Variants in APP observed in about 807,000 individuals in gnomAD.
APP encodes amyloid beta precursor protein.
APP carries 31 observed loss-of-function variants against 101.4 expected under a neutral mutation model. The observed-to-expected ratio is 0.31, with a 90% confidence interval of 0.23 to 0.41. APP has a LOEUF of 0.41. Ranked by LOEUF, APP falls within the 10% of genes least tolerant of loss-of-function variation. The pLI is 1.00. For synonymous variants in APP, 366 were observed against 364.4 expected, an observed-to-expected ratio of 1.00 and a Z score of -0.05; for missense variants, 839 against 1,003.7, an observed-to-expected ratio of 0.84 and a Z score of 2.22.
chr21:25,998,715 T>C (rs908105938), intron 7 of APP, among the ~76,000 whole-genome samples: 1 of 152,164 alleles, frequency 6.6e-6, no homozygotes, highest in Non-Finnish European at 1.5e-5. Flanking sequence ...TTATTGAGTT[T>C]CATTTTTAGT....
chr21:26,041,867 A>G (rs1425208007), intron 5 of APP, among the ~76,000 whole-genome samples: 1 of 152,016 alleles, frequency 6.6e-6, no homozygotes, highest in Non-Finnish European at 1.5e-5. Flanking sequence ...CAAAACTGGC[A>G]GCCAGTTCCC....
intron 8 of APP, among the ~76,000 whole-genome samples, chr21:25,991,784 T>C (rs943153877): frequency 6.6e-6 from 1 of 152,234 alleles, no homozygotes; most frequent in African/African-American, 2.4e-5. Flanking sequence ...TAAGTAGTTA[T>C]GACAAACTGC....
chr21:26,118,453 T>C (rs955709512), intron 1 of APP, among the ~76,000 whole-genome samples: 2 of 152,194 alleles, frequency 1.3e-5, no homozygotes, highest in South Asian at 2.1e-4. Flanking sequence ...CACTAACATA[T>C]ATGAAACCAT....
At chr21:26,131,729 T>A (rs984165572) in intron 1 of APP, among the ~76,000 whole-genome samples, 3 of 152,196 alleles carry the variant, frequency 2.0e-5, no homozygotes, top group African/African-American at 7.2e-5. Flanking sequence ...TCTAACCAAC[T>A]GTTCTCATCA....
chr21:26,044,433 T>G (rs2045516046), intron 5 of APP, among the ~76,000 whole-genome samples: 1 of 152,244 alleles, frequency 6.6e-6, no homozygotes, highest in Admixed American at 6.5e-5. Flanking sequence ...AGAAGAAGAA[T>G]GAAATTGATC....
At chr21:25,899,501 G>T (rs1256081712) in intron 15 of APP, among the ~76,000 whole-genome samples, 1 of 152,122 alleles carries the variant, frequency 6.6e-6, no homozygotes, top group African/African-American at 2.4e-5. Context: ...TCTTGGTGCA[G>T]GGGTGCGAGA....
chr21:26,040,291 G>T (rs771701394), intron 5 of APP, among the ~76,000 whole-genome samples: 2 of 152,004 alleles, frequency 1.3e-5, no homozygotes, highest in African/African-American at 4.8e-5. Flanking sequence ...GTAATAAACC[G>T]CATTTCTTTA....
At chr21:26,073,671 T>G (rs886840027) in intron 3 of APP, among the ~76,000 whole-genome samples, 1 of 152,102 alleles carries the variant, frequency 6.6e-6, no homozygotes, top group Non-Finnish European at 1.5e-5. Context: ...CTAAATACTA[T>G]TGAGATGTGA....
intron 5 of APP, among the ~76,000 whole-genome samples, chr21:26,040,044 G>A (rs2045303046): frequency 6.6e-6 from 1 of 151,954 alleles, no homozygotes; most frequent in African/African-American, 2.4e-5. Context: ...TGTTGGAGAT[G>A]GGACCCAAGT....
intron 13 of APP, among the ~76,000 whole-genome samples, chr21:25,941,143 A>G (rs2040559825): frequency 6.6e-6 from 1 of 152,234 alleles, no homozygotes; most frequent in Non-Finnish European, 1.5e-5. Flanking sequence ...CATCAAAGTA[A>G]TGTTAGACAC....
chr21:25,954,680 G>A lies in APP; in HGVS notation c.1597C>T (p.His533Tyr), dbSNP rs1287723181. 1 of 1,613,776 alleles carries A rather than the reference G, an allele frequency of 6.2e-7. No homozygotes were observed. The highest frequency in any genetic ancestry group is 1.7e-5 in the Admixed American group (1 of 59,996). The change falls in exon 13 of 18, where the codon CAC becomes TAC. Residue 533 changes from histidine (H) to tyrosine (Y), a missense_variant. By Grantham distance (83) the His-to-Tyr change is moderately conservative. Coordinates refer to ENST00000346798, the MANE Select transcript of APP (RefSeq NM_000484.4). The part of the protein sequence containing the change: ...AAQIRSQVMT[H>Y]LRVIYERMNQ... ...ATGCGCTCATAAATCACACGGAGGT[G>A]TGTCATAACCTGCATCAAAGGATGA...
chr21:25,920,237 T>C (rs2039562873), intron 13 of APP, among the ~76,000 whole-genome samples: 1 of 152,008 alleles, frequency 6.6e-6, no homozygotes, highest in Non-Finnish European at 1.5e-5. Context: ...GCACTAAACA[T>C]GCAAAGGAAC....
chr21:26,007,590 T>C (rs1285439841), intron 6 of APP, among the ~76,000 whole-genome samples: 1 of 151,576 alleles, frequency 6.6e-6, no homozygotes, highest in Non-Finnish European at 1.5e-5. Flanking sequence ...GCCTAAGTTA[T>C]TGCTGTAATT....
intron 13 of APP, among the ~76,000 whole-genome samples, chr21:25,925,409 T>C (rs1297383604): frequency 1.3e-5 from 2 of 152,204 alleles, no homozygotes; most frequent in African/African-American, 4.8e-5. Flanking sequence ...CTTTGAATCC[T>C]TTTGTCTGTA....
At chr21:26,042,723 G>A (rs1420995404) in intron 5 of APP, among the ~76,000 whole-genome samples, 1 of 150,486 alleles carries the variant, frequency 6.6e-6, no homozygotes, top group Non-Finnish European at 1.5e-5. Context: ...GCAACATAGT[G>A]AGACCCCTGT....
intron 5 of APP, among the ~76,000 whole-genome samples, chr21:26,046,324 C>T (rs1266157277): frequency 2.0e-5 from 3 of 151,422 alleles, no homozygotes; most frequent in African/African-American, 2.4e-5. Context: ...TCAGGAGAAT[C>T]GTTTGAACCC....
intron 12 of APP, among the ~76,000 whole-genome samples, chr21:25,955,305 T>C (rs1269954132): frequency 2.0e-5 from 3 of 152,236 alleles, no homozygotes; most frequent in South Asian, 2.1e-4. Context: ...TTGCCTGCCA[T>C]ACTTCAGTTG....
chr21:26,122,845 T>C (rs767817736), intron 1 of APP, among the ~76,000 whole-genome samples: 9 of 151,914 alleles, frequency 5.9e-5, no homozygotes, highest in African/African-American at 1.2e-4. Context: ...CACAGGCAAG[T>C]AGACAAAAAG....
chr21:26,170,788 G>A (rs1028209198), upstream of APP: 4 of 692,226 alleles, frequency 5.8e-6, no homozygotes, highest in African/African-American at 1.9e-5. Context: ...GAGCGCGGCG[G>A]CGGGGCTCAG....
Sources: allele counts gnomAD v4.1 joint callset (sites outside exome capture counted in the v4.1 genomes callset), GRCh38; gene constraint gnomAD v4.1.1; transcripts MANE v1.5; gene names NCBI Gene and HGNC (gene_info 2026-07-23, HGNC 2026-07-21).